The following NEK4 variants were observed in gnomAD, a reference collection of about 807,000 sequenced individuals.
NEK4 encodes NIMA related kinase 4, also known as serine/threonine-protein kinase Nek4.
A neutral mutation model predicts 98.4 loss-of-function variants in NEK4; 86 were observed. The observed-to-expected ratio is 0.87, with a 90% CI of 0.73 to 1.05. NEK4 has a LOEUF of 1.05. Among genes scored for constraint, NEK4 ranks in the 50% least tolerant of loss-of-function variants. The pLI, the probability that NEK4 is intolerant of heterozygous loss-of-function variation, is 0.00. For synonymous variants in NEK4, 328 were observed against 342.2 expected (o/e 0.96, Z 0.46); for missense variants, 898 against 950.3 (o/e 0.94, Z 0.72).
intron 15 of NEK4, among the ~76,000 whole-genome samples, chr3:52,725,688 T>G (rs2097363880): frequency 6.6e-6 from 1 of 152,130 alleles, no homozygotes; most frequent in Non-Finnish European, 1.5e-5. Flanking sequence ...GGACATTAAA[T>G]ATAATCTCCA....
intron 8 of NEK4, chr3:52,747,329 C>T (rs1283913855): frequency 5.7e-6 from 1 of 175,822 alleles, no homozygotes; most frequent in Non-Finnish European, 1.2e-5. Flanking sequence ...GTGGCACGCA[C>T]CTGTAATCCC....
chr3:52,744,976 C>T (rs2154104314), intron 10 of NEK4, among the ~76,000 whole-genome samples: 1 of 151,808 alleles, frequency 6.6e-6, no homozygotes, highest in Non-Finnish European at 1.5e-5. Flanking sequence ...AGTGCAGTGG[C>T]CCTATCTCAG....
intron 5 of NEK4, 52 bp from the exon 6 acceptor site, chr3:52,760,988 GTT>G: frequency 8.2e-7 from 1 of 1,225,918 alleles, no homozygotes. Flanking sequence ...AAGATTAAGG[GTT>G]TTTAGGTATA....
At chr3:52,732,822 T>G in intron 15 of NEK4, 3 of 237,462 alleles carry the variant, frequency 1.3e-5, no homozygotes, top group Non-Finnish European at 2.8e-5. Context: ...AGGGAATGCA[T>G]CAAAGGTGTG....
rs545850765 is a variant in NEK4 at position 52,717,550 on chromosome 3, C to T, written c.2434-5681G>A. The stretch of plus-strand genomic sequence containing the variant: ...CTACTGCCCCATCTCCCTCCAAAAC[C>T]GGGTGCTAAGTTTCTAAAGTGGGGG... On this transcript the variant is annotated intron_variant, in intron 15 of 15. Transcript: ENST00000233027. 3.7e-3 allele frequency among the ~76,000 whole-genome samples: 560 copies of T among 152,156 alleles called. 5 individuals carry two copies. The highest frequency in any genetic ancestry group is 0.02 in the South Asian group (97 of 4,816).
intron 15 of NEK4, among the ~76,000 whole-genome samples, chr3:52,737,055 G>T (rs2097377242): frequency 6.6e-6 from 1 of 152,212 alleles, no homozygotes; most frequent in Middle Eastern, 3.4e-3. Flanking sequence ...TCCTGCCTCA[G>T]CCTCCCCTGC....
intron 6 of NEK4, among the ~76,000 whole-genome samples, chr3:52,759,400 CA>C (rs34662992): frequency 8.8e-4 from 125 of 142,628 alleles, no homozygotes; most frequent in Non-Finnish European, 7.9e-4. Flanking sequence ...GACCCTGTAT[CA>C]AAAAAAAAAA....
intron 13 of NEK4, among the ~76,000 whole-genome samples, chr3:52,741,159 C>G (rs917274839): frequency 1.3e-5 from 2 of 150,750 alleles, no homozygotes; most frequent in Non-Finnish European, 3.0e-5. Flanking sequence ...CGGTGTGAAC[C>G]CGGGAGGCGG....
chr3:52,719,400 A>G (rs1430174452), intron 15 of NEK4, among the ~76,000 whole-genome samples: 1 of 152,124 alleles, frequency 6.6e-6, no homozygotes, highest in Non-Finnish European at 1.5e-5. Context: ...CCTGACCAAT[A>G]TGGTGAAACC....
chr3:52,726,394 T>C (rs558361806), intron 15 of NEK4, among the ~76,000 whole-genome samples: 118 of 150,400 alleles, frequency 7.8e-4, no homozygotes, highest in African/African-American at 2.6e-3. Context: ...CTCAGGAGAT[T>C]GACACCATCC....
intron 12 of NEK4, among the ~76,000 whole-genome samples, chr3:52,742,576 A>C (rs1469944250): frequency 6.6e-6 from 1 of 152,158 alleles, no homozygotes; most frequent in Non-Finnish European, 1.5e-5. Context: ...ATGGGTTAGA[A>C]ACCTAGTAAT....
chr3:52,735,655 G>A (rs1165750304), intron 15 of NEK4, among the ~76,000 whole-genome samples: 3 of 152,174 alleles, frequency 2.0e-5, no homozygotes, highest in African/African-American at 4.8e-5. Context: ...AAGAGAAAAA[G>A]AGAAAACCCA....
chr3:52,765,273 C>A (rs1698511100), intron 4 of NEK4, among the ~76,000 whole-genome samples: 1 of 151,650 alleles, frequency 6.6e-6, no homozygotes, highest in Non-Finnish European at 1.5e-5. Context: ...ATCACTTGAA[C>A]CTAGGAGGTA....
At chr3:52,752,806 G>A (rs1346475841) in intron 6 of NEK4, among the ~76,000 whole-genome samples, 2 of 149,312 alleles carry the variant, frequency 1.3e-5, no homozygotes, top group African/African-American at 2.5e-5. Context: ...AGGCTGATGC[G>A]GGAGGATTGC....
At chr3:52,732,000 G>A (rs1010136768) in intron 15 of NEK4, among the ~76,000 whole-genome samples, 2 of 152,192 alleles carry the variant, frequency 1.3e-5, no homozygotes, top group Non-Finnish European at 1.5e-5. Context: ...CACGTAAGAC[G>A]TGTCTTGCTT....
chr3:52,768,863 A>C (rs1214878558), intron 1 of NEK4, among the ~76,000 whole-genome samples: 3 of 152,190 alleles, frequency 2.0e-5, no homozygotes, highest in Admixed American at 1.3e-4. Flanking sequence ...TTCATTAATG[A>C]CTAAAAAAAG....
Position 52,760,869 on chromosome 3 carries a change from C to T in NEK4, c.889G>A (p.Gly297Arg), listed in dbSNP as rs755451946. ...ACTTCATGATTTGATTCTGCCTCTC[C>T]AGAAACCACTGTAGCAAAAGGCTTG... ...QSKPFATVVS[G>R]EAESNHEVIH... The change falls in exon 6 of 16, where the codon GGA (glycine) becomes AGA (arginine). Residue 297 changes from glycine (G) to arginine (R), a missense_variant. Coordinates refer to ENST00000233027, the MANE Select transcript of NEK4 (RefSeq NM_003157.6). 1.5e-5 allele frequency: 24 copies of T among 1,609,486 alleles called. No individual in the cohort carries two copies. The South Asian group carries it at 2.5e-4, about 17-fold the overall frequency.
rs550421512 is a variant in NEK4 at position 52,725,250 on chromosome 3, G to A, written c.2433+12336C>T. On this transcript the variant is annotated intron_variant, in intron 15 of 15. Transcript: ENST00000233027. ...GTACAGGCCGGGCGCTGCGGCTCAC[G>A]CCTGTAATCCCAGCACTTTGGGAGG... Among the ~76,000 whole-genome samples the A allele has an allele frequency of 3.3e-5, 5 of 152,302 alleles. No individual in the cohort carries two copies. The South Asian group carries it at 1.0e-3, about 32-fold the overall frequency.
rs890798670 is a variant in NEK4, at chr3:52,711,664, AAG to A, written c.*111_*112del. On this transcript the variant is annotated 3_prime_UTR_variant, in exon 16 of 16. Transcript: ENST00000233027. ...AGGGAAACGCCAAAGAGATATAAAAAAGAGATATAAAACAGTGGTGAGTGGCT... is the reference window on the plus strand; with the variant it reads ...AGGGAAACGCCAAAGAGATATAAAAAAGATATAAAACAGTGGTGAGTGGCT... The A allele has an allele frequency of 2.6e-5, 17 of 660,248 alleles. No individual in the cohort carries two copies. The highest frequency in any genetic ancestry group is 3.7e-5 in the African/African-American group (2 of 54,766). The allele number at this position is 660,248 out of a possible 1,614,324, so 40.9% of individuals were successfully genotyped here.
Sources: gnomAD v4.1 joint callset for allele counts (sites outside exome capture counted in the v4.1 genomes callset) on GRCh38, gnomAD v4.1.1 for gene constraint, MANE v1.5 for transcripts, NCBI Gene and HGNC (gene_info 2026-07-23, HGNC 2026-07-21) for gene names.